The following FAM83B variants were observed in gnomAD, a reference collection of about 807,000 sequenced individuals.
FAM83B encodes the protein scaffolding CK1 anchoring protein B, also known as protein FAM83B.
FAM83B carries 26 observed loss-of-function variants against 38.8 expected under a neutral mutation model. The ratio of observed to expected loss-of-function variants is 0.67; its 90% CI spans 0.49 to 0.93. The LOEUF is 0.93. Ranked by LOEUF, FAM83B falls within the 40% of genes least tolerant of loss-of-function variation. FAM83B has a pLI of 0.00. For synonymous variants in FAM83B, 419 were observed against 423.1 expected (o/e 0.99, Z 0.12); for missense variants, 1,237 against 1,197.3 (o/e 1.03, Z -0.49).
intron 2 of FAM83B, among the ~76,000 whole-genome samples, chr6:54,924,897 T>C (rs1464922566): frequency 6.6e-6 from 1 of 152,140 alleles, no homozygotes; most frequent in African/African-American, 2.4e-5. Context: ...AAGCCTATTC[T>C]TAACACAGTA....
intron 2 of FAM83B, among the ~76,000 whole-genome samples, chr6:54,923,589 C>A (rs1773219014): frequency 6.6e-6 from 1 of 152,108 alleles, no homozygotes; most frequent in African/African-American, 2.4e-5. Context: ...ATTATATTTT[C>A]TTAGTCTATT....
chr6:54,848,072 G>A (rs1771182437), intron 1 of FAM83B, among the ~76,000 whole-genome samples: 1 of 139,786 alleles, frequency 7.2e-6, no homozygotes, highest in Non-Finnish European at 1.5e-5. Context: ...AGACTTAGAA[G>A]AGAAAACTGG....
intron 2 of FAM83B, among the ~76,000 whole-genome samples, chr6:54,872,307 T>G (rs1771876156): frequency 6.6e-6 from 1 of 152,172 alleles, no homozygotes; most frequent in African/African-American, 2.4e-5. Context: ...ATCTTAGGCC[T>G]TGTGAACAAA....
At chr6:54,883,332 GTTTT>G (rs36040247) in intron 2 of FAM83B, among the ~76,000 whole-genome samples, 2 of 90,484 alleles carry the variant, frequency 2.2e-5, no homozygotes, top group Non-Finnish European at 4.0e-5. Flanking sequence ...TTTTTTTTAA[GTTTT>G]TTTTTTTTTT....
At position 54,940,120 on chromosome 6, in the gene FAM83B, T is replaced by C; in HGVS notation, c.1149T>C (p.Asn383=). 1.2e-6 allele frequency: 2 copies of C among 1,613,974 alleles called. No individual in the cohort carries two copies. The highest frequency in any genetic ancestry group is 1.3e-5 in the African/African-American group (1 of 74,980). Residue 383 remains asparagine (N), a synonymous_variant, in exon 5 of 5, where the codon AAT becomes AAC. Transcript: ENST00000306858. ...RQFQPNQINE[N]WKRHSYAGEQ... The stretch of plus-strand genomic sequence containing the variant: ...TTCAACCCAATCAGATAAATGAAAA[T>C]TGGAAAAGGCATAGTTATGCTGGGG...
At chr6:54,935,030 G>A (rs895587487) in intron 4 of FAM83B, among the ~76,000 whole-genome samples, 4 of 151,912 alleles carry the variant, frequency 2.6e-5, no homozygotes, top group African/African-American at 9.7e-5. Context: ...TATCTTTTTA[G>A]TATTGTGTAG....
At chr6:54,863,531 A>G (rs1382786992) in intron 1 of FAM83B, among the ~76,000 whole-genome samples, 3 of 70,730 alleles carry the variant, frequency 4.2e-5, no homozygotes, top group Non-Finnish European at 9.9e-5. Flanking sequence ...CCATCTTACC[A>G]ACTATGCCGC....
intron 1 of FAM83B, among the ~76,000 whole-genome samples, chr6:54,851,752 A>G (rs1771299848): frequency 1.5e-5 from 2 of 135,840 alleles, no homozygotes; most frequent in Non-Finnish European, 3.1e-5. Context: ...GGTTCATGCC[A>G]TTCTCCTGCC....
At chr6:54,863,144 C>T (rs1581885105) in intron 1 of FAM83B, among the ~76,000 whole-genome samples, 1 of 152,184 alleles carries the variant, frequency 6.6e-6, no homozygotes, top group East Asian at 1.9e-4. Flanking sequence ...AAGAAAGTCT[C>T]AGAAATCCAA....
intron 1 of FAM83B, among the ~76,000 whole-genome samples, chr6:54,847,575 T>C (rs1200111165): frequency 6.6e-6 from 1 of 152,006 alleles, no homozygotes; most frequent in Non-Finnish European, 1.5e-5. Flanking sequence ...CTAGAGCAGA[T>C]TGCTCCTGGA....
At chr6:54,866,572 A>G (rs762650822) in intron 1 of FAM83B, among the ~76,000 whole-genome samples, 2 of 152,144 alleles carry the variant, frequency 1.3e-5, no homozygotes, top group Non-Finnish European at 2.9e-5. Context: ...ATTCAGCATA[A>G]TTCTCTGGAG....
upstream of FAM83B, chr6:54,846,662 G>C (rs1178916385): frequency 2.0e-5 from 3 of 152,220 alleles, no homozygotes; most frequent in Non-Finnish European, 4.4e-5. Context: ...TTGTCTCGGG[G>C]AGGCGCGGTT....
Position 54,870,179 on chromosome 6 carries a change from A to G in FAM83B, c.-60-8A>G. 1 of 1,198,606 alleles carries G rather than the reference A, an allele frequency of 8.3e-7. No homozygotes were observed. The highest frequency in any genetic ancestry group is 2.4e-5 in the East Asian group (1 of 42,464). The allele number at this position is 1,198,606 out of a possible 1,614,324, so 74.2% of individuals were successfully genotyped here. ...CTTGATCTTGATTTTCTTCTTTTCA[A>G]ATACCAGATACTTCTCACCACTGCA... On this transcript the variant is annotated splice_region_variant and splice_polypyrimidine_tract_variant and intron_variant, in intron 1 of 4. Transcript: ENST00000306858.
chr6:54,847,278 G>A (rs1396690680), intron 1 of FAM83B, among the ~76,000 whole-genome samples: 4 of 152,128 alleles, frequency 2.6e-5, no homozygotes, highest in African/African-American at 4.8e-5. Flanking sequence ...TGGGGGTGGG[G>A]GGTTCCGGGA....
At chr6:54,872,049 T>C (rs1771869057) in intron 2 of FAM83B, among the ~76,000 whole-genome samples, 1 of 152,164 alleles carries the variant, frequency 6.6e-6, no homozygotes, top group Non-Finnish European at 1.5e-5. Context: ...CTGAAGCTAA[T>C]GTCAAATGCA....
intron 4 of FAM83B, among the ~76,000 whole-genome samples, chr6:54,932,611 T>C (rs914961493): frequency 2.6e-5 from 4 of 152,194 alleles, no homozygotes; most frequent in African/African-American, 9.6e-5. Context: ...ACCATCCTTT[T>C]ATTTCAACTT....
intron 2 of FAM83B, among the ~76,000 whole-genome samples, chr6:54,885,359 T>G (rs1772249772): frequency 6.6e-6 from 1 of 152,156 alleles, no homozygotes; most frequent in African/African-American, 2.4e-5. Context: ...TTTGATTTAT[T>G]CCTAATTATT....
At chr6:54,881,151 G>C (rs888192562) in intron 2 of FAM83B, among the ~76,000 whole-genome samples, 26 of 152,312 alleles carry the variant, frequency 1.7e-4, no homozygotes, top group African/African-American at 5.3e-4. Flanking sequence ...CACTAAGATT[G>C]ACTAGATGGC....
intron 2 of FAM83B, among the ~76,000 whole-genome samples, chr6:54,906,647 T>C (rs1375039385): frequency 3.3e-5 from 5 of 152,084 alleles, no homozygotes; most frequent in African/African-American, 1.2e-4. Flanking sequence ...GCCTCCCAAA[T>C]TTCTGAGATT....
Sources: gnomAD v4.1 joint callset for allele counts (sites outside exome capture counted in the v4.1 genomes callset) on GRCh38, gnomAD v4.1.1 for gene constraint, MANE v1.5 for transcripts, NCBI Gene and HGNC (gene_info 2026-07-23, HGNC 2026-07-21) for gene names.